CHD7: variants seen among roughly 807,000 people sequenced by gnomAD.
CHD7 encodes chromodomain helicase DNA binding protein 7, also known as ATP-dependent chromatin remodeler CHD7.
A neutral mutation model predicts 307.3 loss-of-function variants in CHD7; 24 were observed. That is an observed-to-expected ratio of 0.08 (90% CI 0.06 to 0.11). CHD7 has a LOEUF of 0.11. Among genes scored for constraint, CHD7 ranks in the 10% least tolerant of loss-of-function variants. The pLI is 1.00. For synonymous variants in CHD7, 1,363 were observed against 1,349.9 expected, an observed-to-expected ratio of 1.01 and a Z score of -0.21; for missense variants, 3,106 against 3,727.1, an observed-to-expected ratio of 0.83 and a Z score of 4.34.
chr8:60,761,035 A>G (rs1389188316), intron 2 of CHD7, among the ~76,000 whole-genome samples: 1 of 152,120 alleles, frequency 6.6e-6, no homozygotes. Context: ...ATAAAGACAC[A>G]TGCACACGTA....
At chr8:60,805,761 AG>A (rs1428965246) in intron 6 of CHD7, among the ~76,000 whole-genome samples, 16 of 152,250 alleles carry the variant, frequency 1.1e-4, no homozygotes, top group African/African-American at 3.6e-4. Context: ...CAGAAGAATC[AG>A]GAGAAATAAT....
At chr8:60,707,221 T>C (rs1177480265) in intron 1 of CHD7, among the ~76,000 whole-genome samples, 2 of 152,244 alleles carry the variant, frequency 1.3e-5, no homozygotes, top group Admixed American at 6.5e-5. Context: ...GGAACTTGCT[T>C]ATTCATGCAT....
intron 3 of CHD7, among the ~76,000 whole-genome samples, chr8:60,786,488 A>G (rs1811497226): frequency 6.6e-6 from 1 of 152,204 alleles, no homozygotes; most frequent in African/African-American, 2.4e-5. Flanking sequence ...AGTGGACTCC[A>G]AAGCAGTGGC....
At chr8:60,737,989 G>C (rs1311026235) in intron 1 of CHD7, among the ~76,000 whole-genome samples, 1 of 152,152 alleles carries the variant, frequency 6.6e-6, no homozygotes, top group East Asian at 1.9e-4. Context: ...AAATAATTGT[G>C]ATTTGAGAGT....
chr8:60,758,513 G>A (rs1290662327), intron 2 of CHD7, among the ~76,000 whole-genome samples: 1 of 152,134 alleles, frequency 6.6e-6, no homozygotes, highest in Non-Finnish European at 1.5e-5. Flanking sequence ...GAGCTCATGG[G>A]TGTTTTCAAA....
At chr8:60,790,495 G>A (rs750992754) in intron 3 of CHD7, among the ~76,000 whole-genome samples, 7 of 152,168 alleles carry the variant, frequency 4.6e-5, no homozygotes, top group Admixed American at 2.0e-4. Context: ...ACTTTAGCCC[G>A]ATTTTACTGA....
At chr8:60,845,749 T>G (rs1805183014) in intron 23 of CHD7, among the ~76,000 whole-genome samples, 1 of 152,212 alleles carries the variant, frequency 6.6e-6, no homozygotes, top group Admixed American at 6.5e-5. Context: ...AACACAACGT[T>G]TACCATTTTT....
At chr8:60,766,479 A>T (rs13277976) in intron 2 of CHD7, among the ~76,000 whole-genome samples, 118,431 of 152,194 alleles carry the variant, frequency 0.78, 46,356 homozygotes, top group East Asian at 0.94. Context: ...TGTGTAGCAG[A>T]TTAACCAGGG....
chr8:60,748,704 A>G (rs1586262175), intron 2 of CHD7, among the ~76,000 whole-genome samples: 1 of 152,224 alleles, frequency 6.6e-6, no homozygotes, highest in Non-Finnish European at 1.5e-5. Flanking sequence ...TGCACAGTCC[A>G]TAGACGTGTC....
intron 1 of CHD7, among the ~76,000 whole-genome samples, chr8:60,711,331 G>A (rs969241366): frequency 1.3e-5 from 2 of 152,182 alleles, no homozygotes; most frequent in East Asian, 3.8e-4. Flanking sequence ...GAGGAGATGA[G>A]GTTATAATGG....
intron 16 of CHD7, among the ~76,000 whole-genome samples, chr8:60,836,606 G>C (rs141160575): frequency 1.3e-5 from 2 of 151,994 alleles, no homozygotes; most frequent in Admixed American, 1.3e-4. Flanking sequence ...CTATTTCCCT[G>C]GAGAGGAAGT....
At chr8:60,785,363 G>C (rs565504299) in intron 3 of CHD7, among the ~76,000 whole-genome samples, 22 of 152,206 alleles carry the variant, frequency 1.4e-4, no homozygotes, top group African/African-American at 5.3e-4. Context: ...ATTAAACTTA[G>C]TAGAAAACTA....
At chr8:60,709,553 A>T (rs1807183905) in intron 1 of CHD7, among the ~76,000 whole-genome samples, 1 of 152,206 alleles carries the variant, frequency 6.6e-6, no homozygotes, top group Non-Finnish European at 1.5e-5. Flanking sequence ...TGAGTTCATG[A>T]AGAATTTCTT....
Position 60,830,681 on chromosome 8 carries a change from C to A in CHD7, c.3778+104C>A. 3.2e-6 allele frequency: 4 copies of A among 1,266,946 alleles called. No homozygotes were observed. The South Asian group carries it at 5.8e-5, about 18-fold the overall frequency. 78.5% of individuals were successfully genotyped at this position (1,266,946 alleles called of 1,614,324 possible). ...TTTCATGGTGTATAGTCATTCCTGT[C>A]TCCTGTCCACTCAGCATGGGTTTCA... is the stretch of plus-strand genomic sequence containing the variant. On this transcript the variant is annotated intron_variant, in intron 15 of 37. Transcript: ENST00000423902.
chr8:60,827,215 A>G (rs1264719870), intron 13 of CHD7, among the ~76,000 whole-genome samples: 1 of 152,050 alleles, frequency 6.6e-6, no homozygotes, highest in Admixed American at 6.5e-5. Flanking sequence ...AACCTGCACA[A>G]TGTACACATG....
intron 6 of CHD7, among the ~76,000 whole-genome samples, chr8:60,802,943 C>T (rs1812380087): frequency 6.6e-6 from 1 of 152,134 alleles, no homozygotes; most frequent in African/African-American, 2.4e-5. Flanking sequence ...TAATTTAGAG[C>T]AGTATGTCAA....
At chr8:60,818,234 C>T (rs376889471) in intron 8 of CHD7, among the ~76,000 whole-genome samples, 4 of 152,286 alleles carry the variant, frequency 2.6e-5, no homozygotes, top group African/African-American at 9.6e-5. Context: ...CTTTTACATT[C>T]TTTGTTTCTC....
chr8:60,776,729 G>T (rs138571367), intron 2 of CHD7, among the ~76,000 whole-genome samples: 22 of 152,192 alleles, frequency 1.4e-4, no homozygotes, highest in African/African-American at 5.1e-4. Context: ...AGGACTTGCC[G>T]AAACGTTGCT....
chr8:60,765,670 C>T (rs1396681154), intron 2 of CHD7, among the ~76,000 whole-genome samples: 1 of 152,142 alleles, frequency 6.6e-6, no homozygotes, highest in Non-Finnish European at 1.5e-5. Flanking sequence ...TAGGGTGCAG[C>T]GTGTGTGGTG....
Sources: allele counts gnomAD v4.1 joint callset (sites outside exome capture counted in the v4.1 genomes callset), GRCh38; gene constraint gnomAD v4.1.1; transcripts MANE v1.5; gene names NCBI Gene and HGNC (gene_info 2026-07-23, HGNC 2026-07-21).